PAN3: variants seen among roughly 807,000 people sequenced by gnomAD.
PAN3 encodes the protein poly(A) specific ribonuclease subunit PAN3.
PAN3 carries 19 observed loss-of-function variants against 96.2 expected under a neutral mutation model. The observed-to-expected ratio is 0.20, with a 90% CI of 0.14 to 0.29. The LOEUF is 0.29. Among genes scored for constraint, PAN3 ranks in the 10% least tolerant of loss-of-function variants. The probability of loss-of-function intolerance (pLI) is 1.00; values close to 1 mark genes in which losing one functional copy is unlikely to be tolerated. For missense variants in PAN3, 882 were observed against 1,108.1 expected, an observed-to-expected ratio of 0.80 and a Z score of 2.90; for synonymous variants, 433 against 406.6, an observed-to-expected ratio of 1.06 and a Z score of -0.78.
chr13:28,177,966 AATGGAATTTAGAAGTGATGTTGGCAT>A (rs1875261751), intron 4 of PAN3, 31 bp downstream of exon 4: 1 of 1,562,382 alleles, frequency 6.4e-7, no homozygotes, highest in Admixed American at 1.7e-5. Flanking sequence ...AATTAAACTA[AATGGAATTTAGAAGTGATGTTGGCAT>A]TGTTACCTAT....
intron 12 of PAN3, 93 bp downstream of exon 12, chr13:28,267,494 C>T: frequency 9.5e-7 from 1 of 1,050,430 alleles, no homozygotes; most frequent in Non-Finnish European, 1.4e-6. Flanking sequence ...TAATTTTTCC[C>T]TGTAATCATT....
At chr13:28,273,516 G>A (rs908460096) in intron 14 of PAN3, among the ~76,000 whole-genome samples, 3 of 151,930 alleles carry the variant, frequency 2.0e-5, no homozygotes, top group African/African-American at 7.3e-5. Context: ...CAGGAGAATC[G>A]CTTGAACCTG....
chr13:28,281,455 G>T, intron 17 of PAN3, 76 bp downstream of exon 17: 5 of 1,287,276 alleles, frequency 3.9e-6, no homozygotes, highest in Non-Finnish European at 5.5e-6. Context: ...AGTATGCCTG[G>T]CTTTATTTGG....
chr13:28,216,614 G>C (rs953227751), intron 5 of PAN3, among the ~76,000 whole-genome samples: 4 of 152,110 alleles, frequency 2.6e-5, no homozygotes, highest in African/African-American at 9.7e-5. Flanking sequence ...GCTCTTTAAA[G>C]AGCTGTCCAA....
At position 28,197,251 on chromosome 13, in the gene PAN3, G is replaced by T. The variant is rs747972690; in HGVS notation, c.757G>T (p.Ala253Ser). The change falls in exon 5 of 19, where the codon GCA (alanine) becomes TCA (serine). Residue 253 changes from alanine (A) to serine (S), a missense_variant. Around this residue, in one of 3 missense-constraint regions of PAN3, gnomAD observed 442 missense variants for 422.8 expected, o/e 1.05. Coordinates refer to ENST00000380958, the MANE Select transcript of PAN3 (RefSeq NM_175854.8). The stretch of plus-strand genomic sequence containing the variant: ...TCCGATGGGATCAAAGGCACGAAAA[G>T]CAAAGAACCCTATTGGCTGCCTTGC... ...LVPMGSKARKAKNPIGCLADR... is the reference protein window; with the variant it reads ...LVPMGSKARKSKNPIGCLADR... 6.2e-7 allele frequency: 1 copy of T among 1,613,446 alleles called. No individual in the cohort carries two copies. The highest frequency in any genetic ancestry group is 8.5e-7 in the Non-Finnish European group (1 of 1,179,692).
intron 18 of PAN3, among the ~76,000 whole-genome samples, chr13:28,292,007 C>A (rs1424421920): frequency 1.3e-5 from 2 of 151,786 alleles, no homozygotes; most frequent in African/African-American, 4.8e-5. Flanking sequence ...ATTTATACTT[C>A]TAAGTATTTT....
chr13:28,256,789 A>G (rs1885181479), intron 7 of PAN3, among the ~76,000 whole-genome samples: 1 of 152,162 alleles, frequency 6.6e-6, no homozygotes. Context: ...CTCTTATTTT[A>G]GTCTTTATGG....
chr13:28,215,997 A>G, intron 5 of PAN3: 1 of 712,172 alleles, frequency 1.4e-6, no homozygotes, highest in Non-Finnish European at 2.4e-6. Context: ...ATAGTAAAAG[A>G]CTGGTTAAAG....
At chr13:28,289,466 C>T (rs528444346) in intron 18 of PAN3, among the ~76,000 whole-genome samples, 4 of 152,244 alleles carry the variant, frequency 2.6e-5, no homozygotes, top group East Asian at 1.9e-4. Context: ...TTGGTCGATA[C>T]GGGATTTCAC....
intron 5 of PAN3, among the ~76,000 whole-genome samples, chr13:28,197,659 A>G (rs1213408519): frequency 6.6e-6 from 1 of 151,140 alleles, no homozygotes; most frequent in East Asian, 2.0e-4. Flanking sequence ...TGTAACCTCC[A>G]CCTCCCAGAT....
At chr13:28,238,276 C>CA (rs1249237314) in intron 6 of PAN3, among the ~76,000 whole-genome samples, 5 of 152,138 alleles carry the variant, frequency 3.3e-5, no homozygotes, top group Non-Finnish European at 7.4e-5. Context: ...TGTCATTCTG[C>CA]AAAGGGTAAT....
At chr13:28,188,205 C>A (rs1450332050) in intron 4 of PAN3, among the ~76,000 whole-genome samples, 3 of 152,106 alleles carry the variant, frequency 2.0e-5, no homozygotes, top group Non-Finnish European at 4.4e-5. Context: ...ATTGAGAAAT[C>A]TCTGGCCTAG....
Position 28,168,597 on chromosome 13 carries a change from T to C in PAN3, c.431-5675T>C, listed in dbSNP as rs180688376. On this transcript the variant is annotated intron_variant, in intron 1 of 18. Coordinates refer to ENST00000380958, the MANE Select transcript of PAN3 (RefSeq NM_175854.8). Reference sequence around the variant, plus strand: ...AGCCAGGCATGGTGGCACATGCCTGTAATCCCAGTTACTTGGGAGGCTGAG... The same window carrying C: ...AGCCAGGCATGGTGGCACATGCCTGCAATCCCAGTTACTTGGGAGGCTGAG... 5.3e-5 allele frequency among the ~76,000 whole-genome samples: 8 copies of C among 152,240 alleles called. No homozygotes were observed. The East Asian group carries it at 1.5e-3, about 29-fold the overall frequency.
At chr13:28,193,850 A>G (rs952501928) in intron 4 of PAN3, among the ~76,000 whole-genome samples, 1 of 151,538 alleles carries the variant, frequency 6.6e-6, no homozygotes, top group African/African-American at 2.4e-5. Context: ...ATTGACTGTA[A>G]TAACTGTGTC....
At chr13:28,237,862 C>T (rs1363124572) in intron 6 of PAN3, among the ~76,000 whole-genome samples, 1 of 152,088 alleles carries the variant, frequency 6.6e-6, no homozygotes, top group African/African-American at 2.4e-5. Flanking sequence ...TAATAAAAAA[C>T]ATCTGTATGT....
At chr13:28,264,229 T>C (rs957049653) in intron 9 of PAN3, among the ~76,000 whole-genome samples, 1 of 152,194 alleles carries the variant, frequency 6.6e-6, no homozygotes, top group African/African-American at 2.4e-5. Flanking sequence ...ATTGATGCTC[T>C]TTTAAAAAGA....
chr13:28,154,339 G>A, intron 1 of PAN3, among the ~76,000 whole-genome samples: 1 of 151,960 alleles, frequency 6.6e-6, no homozygotes, highest in East Asian at 1.9e-4. Flanking sequence ...CTGGGTACCT[G>A]TCGTTAAGCC....
At chr13:28,165,849 A>G (rs1046437185) in intron 1 of PAN3, among the ~76,000 whole-genome samples, 1 of 152,130 alleles carries the variant, frequency 6.6e-6, no homozygotes, top group East Asian at 1.9e-4. Flanking sequence ...GGAAGGGTCT[A>G]ACAGTTTCCT....
rs117776823 is a variant in PAN3, at chr13:28,273,801, G to A, written c.2049+1730G>A. Among the ~76,000 whole-genome samples the A allele has an allele frequency of 2.0e-5, 3 of 152,210 alleles. No individual in the cohort carries two copies. The East Asian group carries it at 5.8e-4, about 29-fold the overall frequency. ...TTAACTTACAAAGGTTTGCTCTAAG[G>A]CAGAATTTCTTAATTACATGGAGAA... On this transcript the variant is annotated intron_variant, in intron 14 of 18. Coordinates refer to ENST00000380958, the MANE Select transcript of PAN3 (RefSeq NM_175854.8).
Sources: allele counts gnomAD v4.1 joint callset (sites outside exome capture counted in the v4.1 genomes callset), GRCh38; gene constraint gnomAD v4.1.1; regional missense constraint gnomAD v4.1.1; transcripts MANE v1.5; gene names NCBI Gene and HGNC (gene_info 2026-07-23, HGNC 2026-07-21).